Variants in AMBRA1 observed in about 807,000 individuals in gnomAD.
The protein encoded by AMBRA1 is activating molecule in BECN1-regulated autophagy protein 1.
In AMBRA1, 47 loss-of-function variants were observed where a neutral mutation model predicts 125.4. The ratio of observed to expected loss-of-function variants is 0.37; its 90% confidence interval spans 0.30 to 0.48. The LOEUF (loss-of-function observed/expected upper bound fraction) is 0.48. Ranked by LOEUF, AMBRA1 falls within the 20% of genes least tolerant of loss-of-function variation. AMBRA1 has a pLI of 0.99. For synonymous variants in AMBRA1, 626 were observed against 655.5 expected, an observed-to-expected ratio of 0.95 and a Z score of 0.69; for missense variants, 1,331 against 1,693.4, an observed-to-expected ratio of 0.79 and a Z score of 3.76.
intron 9 of AMBRA1, chr11:46,495,312 G>A (rs1385466354): frequency 6.6e-6 from 1 of 152,126 alleles, no homozygotes; most frequent in Non-Finnish European, 1.5e-5. Flanking sequence ...TCTTCAAACT[G>A]GCCCTGAAAC....
intron 7 of AMBRA1, among the ~76,000 whole-genome samples, chr11:46,534,939 GC>G (rs758837916): frequency 6.6e-6 from 1 of 152,210 alleles, no homozygotes; most frequent in Non-Finnish European, 1.5e-5. Context: ...TTCTCAGAGT[GC>G]TGGGATTACA....
At chr11:46,450,852 C>A (rs1479824786) in intron 11 of AMBRA1, among the ~76,000 whole-genome samples, 2 of 152,170 alleles carry the variant, frequency 1.3e-5, no homozygotes, top group Non-Finnish European at 2.9e-5. Context: ...AAGCATGAAC[C>A]CTAATGTAAA....
intron 17 of AMBRA1, among the ~76,000 whole-genome samples, chr11:46,401,511 GGCATGA>G (rs1166429569): frequency 3.3e-5 from 5 of 152,274 alleles, no homozygotes; most frequent in Non-Finnish European, 5.9e-5. Context: ...AGTTCTGGGA[GGCATGA>G]GCCACCGCAC....
chr11:46,527,845 T>A (rs956546511), intron 7 of AMBRA1, among the ~76,000 whole-genome samples: 1 of 151,984 alleles, frequency 6.6e-6, no homozygotes. Flanking sequence ...GGAACCCTCA[T>A]GCACTGTTGG....
chr11:46,572,709 C>A (rs947382126), intron 1 of AMBRA1, among the ~76,000 whole-genome samples: 5 of 152,140 alleles, frequency 3.3e-5, no homozygotes, highest in African/African-American at 1.2e-4. Context: ...GAACCAGGCA[C>A]TTTACATGTT....
intron 11 of AMBRA1, among the ~76,000 whole-genome samples, chr11:46,455,630 A>C (rs1263357464): frequency 6.6e-6 from 1 of 152,256 alleles, no homozygotes; most frequent in Non-Finnish European, 1.5e-5. Context: ...TAACTCAAAC[A>C]GAGGATAGGG....
intron 1 of AMBRA1, among the ~76,000 whole-genome samples, chr11:46,587,563 G>A (rs531433325): frequency 5.3e-5 from 8 of 152,110 alleles, no homozygotes; most frequent in South Asian, 2.1e-4. Context: ...TTAAATTTAC[G>A]CAATTATGAT....
chr11:46,468,814 C>CA (rs11337927), intron 11 of AMBRA1, among the ~76,000 whole-genome samples: 12,682 of 104,358 alleles, frequency 0.12, 775 homozygotes, highest in Middle Eastern at 0.22. Context: ...GGCTCCGTCT[C>CA]AAAAAAAAAA....
intron 2 of AMBRA1, 112 bp from the exon 3 acceptor site, chr11:46,547,987 A>C: frequency 7.7e-7 from 1 of 1,303,954 alleles, no homozygotes; most frequent in Non-Finnish European, 1.1e-6. Context: ...TGTAGGCTTA[A>C]AAACTGGAGA....
In AMBRA1 at chr11:46,542,009, C is replaced by G; in HGVS notation, c.2008G>C (p.Val670Leu). ...IYTQSSRSGT[V>L]SQEALHQDMP... is the part of the protein sequence containing the mutation. ...TCCTGATGTAAGGCCTCCTGTGACA[C>G]AGTTCCAGATCTGCTGGACTGGGTG... The change falls in exon 7 of 18, where the codon GTG becomes CTG. Residue 670 changes from valine (V) to leucine (L), a missense_variant. Val to Leu is a conservative substitution (Grantham distance 32). Around this residue, in one of 4 missense-constraint regions of AMBRA1, gnomAD observed 689 missense variants for 776.5 expected, o/e 0.89. Coordinates refer to ENST00000683756, the MANE Select transcript of AMBRA1 (RefSeq NM_001387011.1). This position sits in a 1 kb window ranked among gnomAD's most constrained non-coding sequence, Gnocchi z 5.9. 1 of 1,614,066 alleles carries G rather than the reference C, an allele frequency of 6.2e-7. No homozygotes were observed.
chr11:46,466,971 G>A (rs1949357076), intron 11 of AMBRA1, among the ~76,000 whole-genome samples: 1 of 146,934 alleles, frequency 6.8e-6, no homozygotes, highest in Non-Finnish European at 1.5e-5. Flanking sequence ...AGGCTGGAGT[G>A]CAGTGGCACG....
chr11:46,466,153 C>T lies in AMBRA1; in HGVS notation c.2522-22555G>A, dbSNP rs554386958. On this transcript the variant is annotated intron_variant, in intron 11 of 17. Coordinates refer to ENST00000683756, the MANE Select transcript of AMBRA1 (RefSeq NM_001387011.1). ...GTACTTCTTGCTTGTTTGGAGCCTA[C>T]AATCCAGTTGGGAAGATAGGACTTC... 2.6e-5 allele frequency among the ~76,000 whole-genome samples: 4 copies of T among 152,260 alleles called. No homozygotes were observed. In the South Asian group the frequency reaches 8.3e-4, roughly 32 times the overall value.
At chr11:46,564,884 C>A (rs547825808) in intron 1 of AMBRA1, among the ~76,000 whole-genome samples, 32 of 152,302 alleles carry the variant, frequency 2.1e-4, no homozygotes, top group African/African-American at 7.7e-4. Flanking sequence ...ATTATTATTT[C>A]TTCGATATCT....
intron 17 of AMBRA1, 33 bp from the exon 18 acceptor site, chr11:46,397,976 T>G (rs1590695064): frequency 6.4e-7 from 1 of 1,552,428 alleles, no homozygotes; most frequent in Non-Finnish European, 8.7e-7. Context: ...GAGAGCGAAT[T>G]GGCTGCTGGC....
At chr11:46,466,922 CTTTTTT>C (rs11313362) in intron 11 of AMBRA1, among the ~76,000 whole-genome samples, 2 of 105,778 alleles carry the variant, frequency 1.9e-5, no homozygotes, top group Admixed American at 1.9e-4. Context: ...TTTCTTTTTT[CTTTTTT>C]TTTTTTTTGA....
chr11:46,479,612 A>G (rs1291213039), intron 11 of AMBRA1, among the ~76,000 whole-genome samples: 3 of 151,972 alleles, frequency 2.0e-5, no homozygotes, highest in African/African-American at 7.3e-5. Flanking sequence ...CAGGAGAATC[A>G]CTTGAACCCA....
Position 46,543,123 on chromosome 11 carries a change from T to C in AMBRA1, c.894A>G (p.Thr298=), listed in dbSNP as rs1455459805. 1.9e-6 allele frequency: 3 copies of C among 1,572,310 alleles called. No individual in the cohort carries two copies. Among genetic ancestry groups the C allele is most frequent in the East Asian group, 4.7e-5 (2 of 42,968 alleles). Residue 298 remains threonine, a synonymous_variant, in exon 7 of 18, where the codon ACA becomes ACG. Transcript: ENST00000683756. The part of the protein sequence containing the change: ...IRLRQRVSYP[T]AECCQHLGIL... The stretch of plus-strand genomic sequence containing the variant: ...TCCCAAGGTGCTGGCAGCACTCAGC[T>C]GTGGGGTAACTGACCCGCTGTCGGA...
chr11:46,468,443 C>T (rs1225427258), intron 11 of AMBRA1, among the ~76,000 whole-genome samples: 1 of 151,992 alleles, frequency 6.6e-6, no homozygotes, highest in African/African-American at 2.4e-5. Flanking sequence ...ACTCTGAACT[C>T]CTGGGCTTAT....
Position 46,494,599 on chromosome 11 carries a change from C to T in AMBRA1, c.2340-395G>A, listed in dbSNP as rs144054572. On this transcript the variant is annotated intron_variant, in intron 9 of 17. Transcript: ENST00000683756. Reference sequence around the variant, plus strand: ...TTTATCATTTTACTTGTTATCCAGACGCCTGCTGTGGGAGGAGGTCTTAAA... The same window carrying T: ...TTTATCATTTTACTTGTTATCCAGATGCCTGCTGTGGGAGGAGGTCTTAAA... The T allele has an allele frequency of 4.2e-3, 655 of 156,656 alleles. 1 individual carries two copies. Among genetic ancestry groups the T allele is most frequent in the Non-Finnish European group, 5.7e-3 (406 of 70,792 alleles). 9.7% of individuals were successfully genotyped at this position (156,656 alleles called of 1,614,324 possible).
Sources: gnomAD v4.1 joint callset for allele counts (sites outside exome capture counted in the v4.1 genomes callset) on GRCh38, gnomAD v4.1.1 for gene constraint, gnomAD v4.1.1 regional missense constraint, Gnocchi (gnomAD v3.1) non-coding constraint, MANE v1.5 for transcripts, NCBI Gene and HGNC (gene_info 2026-07-23, HGNC 2026-07-21) for gene names.